Variants in CATSPER1 observed in about 807,000 individuals in gnomAD.
CATSPER1 encodes the protein cation channel sperm-associated protein 1.
Under a neutral mutation model 72.7 loss-of-function variants are expected in CATSPER1, and 57 were observed. The ratio of observed to expected loss-of-function variants is 0.78; its 90% CI spans 0.63 to 0.98. The LOEUF (loss-of-function observed/expected upper bound fraction) is 0.98. Among genes scored for constraint, CATSPER1 ranks in the 50% least tolerant of loss-of-function variants. The pLI, the probability that CATSPER1 is intolerant of heterozygous loss-of-function variation, is 0.00. For missense variants in CATSPER1, 910 were observed against 1,033.9 expected (o/e 0.88, Z 1.64); for synonymous variants, 363 against 403.0 (o/e 0.90, Z 1.19).
In CATSPER1 at chr11:66,017,193, G is replaced by GGGGGGGGGGGGGGGGGGGGGGCC; in HGVS notation, c.2202-20_2202-19insGGCCCCCCCCCCCCCCCCCCCCC. 11 of 493,750 alleles carry GGGGGGGGGGGGGGGGGGGGGGCC rather than the reference G, an allele frequency of 2.2e-5. No individual in the cohort carries two copies. The highest frequency in any genetic ancestry group is 5.5e-5 in the East Asian group (1 of 18,086). 30.6% of individuals were successfully genotyped at this position (493,750 alleles called of 1,614,324 possible). On this transcript the variant is annotated intron_variant, in intron 10 of 11. Transcript: ENST00000312106. ...CTGCTGCCTGCGGGTGGGCGGGGGGGTCGCAGAGACAGGGGCTGGGCTGAC... is the reference window on the plus strand; with the variant it reads ...CTGCTGCCTGCGGGTGGGCGGGGGGGGGGGGGGGGGGGGGGGGGGGGCCTCGCAGAGACAGGGGCTGGGCTGAC...
chr11:66,020,571 A>T lies in CATSPER1; in HGVS notation c.1984T>A (p.Phe662Ile). The part of the protein sequence containing the change: ...VIYIIIQYFI[F>I]LNLVITVLVD... ...GCAGGGGTGAGTCCTCACTTGAGGAAGATGAAGTACTGGATGATGATGTAA... is the reference window on the plus strand; with the variant it reads ...GCAGGGGTGAGTCCTCACTTGAGGATGATGAAGTACTGGATGATGATGTAA... Residue 662 changes from phenylalanine to isoleucine, a missense_variant, in exon 7 of 12, where the codon TTC (phenylalanine) becomes ATC (isoleucine). By Grantham distance (21) the Phe-to-Ile change is conservative. Transcript: ENST00000312106. This position sits in a 1 kb window ranked among gnomAD's most constrained non-coding sequence, Gnocchi z 4.5. The T allele has an allele frequency of 6.2e-7, 1 of 1,611,804 alleles. No individual in the cohort carries two copies. The highest frequency in any genetic ancestry group is 8.5e-7 in the Non-Finnish European group (1 of 1,178,892).
At chr11:66,025,064 G>C in intron 1 of CATSPER1, 100 bp downstream of exon 1, 1 of 1,447,916 alleles carries the variant, frequency 6.9e-7, no homozygotes, top group Non-Finnish European at 9.7e-7. Context: ...CAGGAGGGTC[G>C]GGCCTTACGA....
At chr11:66,022,826 GA>G (rs1386576433) in intron 2 of CATSPER1, 22 bp downstream of exon 2, 2 of 1,613,096 alleles carry the variant, frequency 1.2e-6, no homozygotes, top group Non-Finnish European at 1.7e-6. Context: ...TTCTCCATGG[GA>G]ACAGGACTCC....
intron 5 of CATSPER1, 58 bp from the exon 6 acceptor site, chr11:66,021,012 G>C (rs566239965): frequency 6.2e-7 from 1 of 1,610,024 alleles, no homozygotes. Context: ...AGCGCCCCTC[G>C]TCCTGCCCCA....
chr11:66,019,150 T>C (rs1856302244), intron 9 of CATSPER1, among the ~76,000 whole-genome samples: 5 of 152,144 alleles, frequency 3.3e-5, no homozygotes, highest in Admixed American at 3.3e-4. Context: ...GTCCATGTCC[T>C]TTGGCTGAGG....
rs552933897 is a variant in CATSPER1, at chr11:66,020,446, C to T, written c.1992-57G>A. ...GAGGAGGCCAGAGGAGAGGGGCACC[C>T]GGTACTTCTTGTGGGTTCAGCGTGG... is the stretch of plus-strand genomic sequence containing the variant. On this transcript the variant is annotated intron_variant, in intron 7 of 11. Transcript: ENST00000312106. The surrounding 1 kb of genome is among the most constrained non-coding windows in gnomAD (Gnocchi z 4.5). 4.2e-5 allele frequency: 68 copies of T among 1,609,378 alleles called. No homozygotes were observed. Among genetic ancestry groups the T allele is most frequent in the Middle Eastern group, 1.7e-4 (1 of 6,052 alleles).
intron 1 of CATSPER1, among the ~76,000 whole-genome samples, chr11:66,024,851 A>G (rs1386079178): frequency 6.6e-6 from 1 of 152,150 alleles, no homozygotes. Context: ...GACTGTGTTG[A>G]ATTTTTCCCC....
In CATSPER1 at chr11:66,020,191, G is replaced by A. The variant is rs755098505; in HGVS notation, c.2074C>T (p.Arg692Trp). The change falls in exon 9 of 12, where the codon CGG becomes TGG. Residue 692 changes from arginine to tryptophan, a missense_variant. By Grantham distance (101) the Arg-to-Trp change is moderately radical. Coordinates refer to ENST00000312106, the MANE Select transcript of CATSPER1 (RefSeq NM_053054.4). The surrounding 1 kb of genome is among the most constrained non-coding windows in gnomAD (Gnocchi z 4.5). ...LEKAKQERAA[R>W]IQEKLLEDSL... ...TCTTCCAGCAGCTTCTCTTGGATCC[G>A]GGCGGCCCTCTGGGAAGAAGAGGCC... The A allele has an allele frequency of 2.6e-5, 42 of 1,613,632 alleles. No individual in the cohort carries two copies. Among genetic ancestry groups the A allele is most frequent in the South Asian group, 1.9e-4 (17 of 91,090 alleles).
Position 66,018,852 on chromosome 11 carries a change from T to C in CATSPER1, c.2176A>G (p.Lys726Glu). Reference sequence around the variant, plus strand: ...TTCTCAGTCATGGTCCCAAACTTTTTCTCGATGAGCCGCTTCAGCATGGTG... The same window carrying C: ...TTCTCAGTCATGGTCCCAAACTTTTCCTCGATGAGCCGCTTCAGCATGGTG... ...EGTMLKRLIE[K>E]KFGTMTEKQQ... The change falls in exon 10 of 12, where the codon AAA becomes GAA. Residue 726 changes from lysine to glutamate, a missense_variant. By Grantham distance (56) the Lys-to-Glu change is moderately conservative. Transcript: ENST00000312106. The C allele has an allele frequency of 6.2e-7, 1 of 1,613,768 alleles. No homozygotes were observed. Among genetic ancestry groups the C allele is most frequent in the South Asian group, 1.1e-5 (1 of 91,044 alleles).
chr11:66,024,780 C>T (rs1461066825), intron 1 of CATSPER1, among the ~76,000 whole-genome samples: 1 of 152,198 alleles, frequency 6.6e-6, no homozygotes, highest in Admixed American at 6.5e-5. Context: ...AGGCCCCGAG[C>T]ACAGGATGAT....
At chr11:66,025,141 T>C in intron 1 of CATSPER1, 23 bp downstream of exon 1, 1 of 1,613,974 alleles carries the variant, frequency 6.2e-7, no homozygotes. Context: ...GGAGTTGGCA[T>C]GGGGGGCCCA....
rs1054692812 is a variant in CATSPER1, at chr11:66,020,843, C to T, written c.1895G>A (p.Trp632Ter). ...ACGGCTGTCCATGTAGATGAGGGAC[C>T]AGTCATCCAGCGTGAGCAAGGTGAA... ...TLFTLLTLDDWSLIYMDSRAQ... is the reference protein window; with the variant it reads ...TLFTLLTLDD The change falls in exon 6 of 12, where the codon TGG (tryptophan) becomes TAG (stop). Residue 632 changes from tryptophan to a stop codon, truncating the protein, a stop_gained. Transcript: ENST00000312106. LOFTEE classifies it high-confidence loss of function. This position sits in a 1 kb window ranked among gnomAD's most constrained non-coding sequence, Gnocchi z 4.5. 3 of 1,613,740 alleles carry T rather than the reference C, an allele frequency of 1.9e-6. No individual in the cohort carries two copies. In the African/African-American group the frequency reaches 4.0e-5, roughly 22 times the overall value.
chr11:66,022,821 C>T lies in CATSPER1; in HGVS notation c.1429+28G>A, dbSNP rs1449891926. On this transcript the variant is annotated intron_variant, in intron 2 of 11. Transcript: ENST00000312106. Reference sequence around the variant, plus strand: ...CCTGGAAGAGCATCGGTGGCTTCTCCATGGGAACAGGACTCCCTGGCTCTT... The same window carrying T: ...CCTGGAAGAGCATCGGTGGCTTCTCTATGGGAACAGGACTCCCTGGCTCTT... 4 of 1,612,620 alleles carry T rather than the reference C, an allele frequency of 2.5e-6. No homozygotes were observed. The South Asian group carries it at 4.4e-5, about 18-fold the overall frequency.
In CATSPER1 at chr11:66,025,273, T is replaced by G. The variant is rs748014355; in HGVS notation, c.1107A>C (p.Thr369=). The change falls in exon 1 of 12, where the codon ACA becomes ACC. Residue 369 remains threonine, a synonymous_variant. Coordinates refer to ENST00000312106, the MANE Select transcript of CATSPER1 (RefSeq NM_053054.4). ...ACATCTGGGTGACACGTGAGCGGAT[T>G]GTGCTGGAGGACCGAGTCATGCTGT... ...SAHSMTRSSS[T]IRSRVTQMSK... The G allele has an allele frequency of 9.3e-6, 15 of 1,613,982 alleles. No homozygotes were observed. In the East Asian group the frequency reaches 2.9e-4, roughly 31 times the overall value.
In CATSPER1 at chr11:66,022,751, C is replaced by A; in HGVS notation, c.1429+98G>T. On this transcript the variant is annotated intron_variant, in intron 2 of 11. Transcript: ENST00000312106. ...TTCCCAGGGGTGAGGATCAAGTGAGCTGAGTCCTATAAACCGCCCGGCACT... is the reference window on the plus strand; with the variant it reads ...TTCCCAGGGGTGAGGATCAAGTGAGATGAGTCCTATAAACCGCCCGGCACT... The A allele has an allele frequency of 2.0e-5, 23 of 1,146,448 alleles. No individual in the cohort carries two copies. In the South Asian group the frequency reaches 2.8e-4, roughly 14 times the overall value. 71.0% of individuals were successfully genotyped at this position (1,146,448 alleles called of 1,614,324 possible).
rs774662494 is a variant in CATSPER1 at position 66,025,319 on chromosome 11, G to A, written c.1061C>T (p.Ala354Val). Reference sequence around the variant, plus strand: ...GCTGTGAGCCGAGCCCCGTGGGTGTGCTACGTGATAGGGGAAGACTCCTGT... The same window carrying A: ...GCTGTGAGCCGAGCCCCGTGGGTGTACTACGTGATAGGGGAAGACTCCTGT... ...SRTGVFPYHVAHPRGSAHSMT... is the reference protein window; with the variant it reads ...SRTGVFPYHVVHPRGSAHSMT... The change falls in exon 1 of 12, where the codon GCA (alanine) becomes GTA (valine). Residue 354 changes from alanine to valine, a missense_variant. Ala to Val is a moderately conservative substitution (Grantham distance 64). Transcript: ENST00000312106. 11 of 1,614,194 alleles carry A rather than the reference G, an allele frequency of 6.8e-6. No homozygotes were observed. The East Asian group carries it at 2.2e-4, about 33-fold the overall frequency.
Position 66,025,895 on chromosome 11 carries a change from T to A in CATSPER1, c.485A>T (p.Tyr162Phe). Residue 162 changes from tyrosine to phenylalanine, a missense_variant, in exon 1 of 12, where the codon TAT becomes TTT. By Grantham distance (22) the Tyr-to-Phe change is conservative (BLOSUM62 3). Coordinates refer to ENST00000312106, the MANE Select transcript of CATSPER1 (RefSeq NM_053054.4). ...PQYLGENLSH[Y>F]SSGVPHHGEA... ...ACCGTGGTGGGGCACGCCAGAGGAA[T>A]AGTGGGATAAATTCTCACCGAGATA... is the stretch of plus-strand genomic sequence containing the variant. 6.2e-7 allele frequency: 1 copy of A among 1,613,274 alleles called. No homozygotes were observed. The highest frequency in any genetic ancestry group is 8.5e-7 in the Non-Finnish European group (1 of 1,179,818).
At position 66,026,224 on chromosome 11, in the gene CATSPER1, G is replaced by T. The variant is rs1170396636; in HGVS notation, c.156C>A (p.His52Gln). The stretch of plus-strand genomic sequence containing the variant: ...GAGGGTGGTGAGATTCACCACGTTG[G>T]TGGGGCACGCCGTGATGGTGCAACT... ...HYELHHHGVP[H>Q]QRGESHHPPE... Residue 52 changes from histidine to glutamine, a missense_variant, in exon 1 of 12, where the codon CAC (histidine) becomes CAA (glutamine). Physicochemically the swap from His to Gln is conservative, Grantham distance 24 (BLOSUM62 0). Transcript: ENST00000312106. The T allele has an allele frequency of 6.2e-7, 1 of 1,611,932 alleles. No homozygotes were observed. Among genetic ancestry groups the T allele is most frequent in the South Asian group, 1.1e-5 (1 of 91,080 alleles).
chr11:66,017,193 G>GGT lies in CATSPER1; in HGVS notation c.2202-20_2202-19insAC. On this transcript the variant is annotated intron_variant, in intron 10 of 11. Coordinates refer to ENST00000312106, the MANE Select transcript of CATSPER1 (RefSeq NM_053054.4). ...CTGCTGCCTGCGGGTGGGCGGGGGG[G>GGT]TCGCAGAGACAGGGGCTGGGCTGAC... 1 of 493,812 alleles carries GGT rather than the reference G, an allele frequency of 2.0e-6. No individual in the cohort carries two copies. The highest frequency in any genetic ancestry group is 2.5e-5 in the Admixed American group (1 of 40,530). 30.6% of individuals were successfully genotyped at this position (493,812 alleles called of 1,614,324 possible).
Sources: allele counts gnomAD v4.1 joint callset (sites outside exome capture counted in the v4.1 genomes callset), GRCh38; gene constraint gnomAD v4.1.1; non-coding constraint Gnocchi (gnomAD v3.1); transcripts MANE v1.5; gene names NCBI Gene and HGNC (gene_info 2026-07-23, HGNC 2026-07-21).